Variants in CA10 observed in about 807,000 individuals in gnomAD.
CA10 encodes the protein carbonic anhydrase 10 (inactive), also known as carbonic anhydrase-related protein 10.
In CA10, 14 loss-of-function variants were observed where a neutral mutation model predicts 44.2. The ratio of observed to expected loss-of-function variants is 0.32; its 90% CI spans 0.21 to 0.50. The LOEUF is 0.50. Among genes scored for constraint, CA10 ranks in the 20% least tolerant of loss-of-function variants. CA10 has a pLI of 0.99. For synonymous variants in CA10, 159 were observed against 141.6 expected, an observed-to-expected ratio of 1.12 and a Z score of -0.87; for missense variants, 350 against 409.7, an observed-to-expected ratio of 0.85 and a Z score of 1.26.
chr17:51,682,508 G>A (rs1026163379), intron 4 of CA10, among the ~76,000 whole-genome samples: 7 of 152,174 alleles, frequency 4.6e-5, no homozygotes, highest in Admixed American at 2.0e-4. Context: ...AAATAAATGC[G>A]TTGGGCTAGA....
At chr17:51,998,430 C>G (rs1376866581) in intron 2 of CA10, among the ~76,000 whole-genome samples, 12 of 152,052 alleles carry the variant, frequency 7.9e-5, no homozygotes, top group Admixed American at 7.9e-4. Flanking sequence ...TTTAACTTTA[C>G]TTTCTTTTAA....
chr17:51,822,433 C>T (rs967963832), intron 3 of CA10, among the ~76,000 whole-genome samples: 1 of 150,786 alleles, frequency 6.6e-6, no homozygotes, highest in African/African-American at 2.4e-5. Context: ...AAAACAAAAA[C>T]AAAAACAAAA....
chr17:52,115,179 C>T (rs894590931), intron 1 of CA10, among the ~76,000 whole-genome samples: 7 of 152,204 alleles, frequency 4.6e-5, no homozygotes, highest in East Asian at 1.9e-4. Context: ...ATTCAATCTG[C>T]GAGGTGGGAG....
intron 1 of CA10, among the ~76,000 whole-genome samples, chr17:52,150,035 C>A (rs577889024): frequency 2.0e-5 from 3 of 152,318 alleles, no homozygotes; most frequent in East Asian, 3.9e-4. Flanking sequence ...TCCATCTCAA[C>A]CTCATCCATC....
chr17:51,768,580 C>T (rs1378982347), intron 3 of CA10, among the ~76,000 whole-genome samples: 1 of 152,138 alleles, frequency 6.6e-6, no homozygotes, highest in African/African-American at 2.4e-5. Context: ...ATGTCATCTG[C>T]TTACATGGGG....
intron 3 of CA10, among the ~76,000 whole-genome samples, chr17:51,820,405 A>ACCCCCCCC (rs748623140): frequency 7.7e-5 from 3 of 39,172 alleles, no homozygotes; most frequent in African/African-American, 1.7e-4. Context: ...GGATTCCCCT[A>ACCCCCCCC]CCCCCCCCCC....
chr17:52,078,774 GA>G (rs1384205164), intron 1 of CA10, among the ~76,000 whole-genome samples: 4 of 152,300 alleles, frequency 2.6e-5, no homozygotes, highest in African/African-American at 9.6e-5. Flanking sequence ...CTGCCCCATT[GA>G]GCTGCATGGC....
At chr17:51,944,374 T>A (rs184648589) in intron 2 of CA10, among the ~76,000 whole-genome samples, 1 of 152,256 alleles carries the variant, frequency 6.6e-6, no homozygotes, top group Non-Finnish European at 1.5e-5. Flanking sequence ...ACCCTGCCCC[T>A]CAATGGCCTA....
At chr17:51,825,914 A>G (rs889429914) in intron 3 of CA10, among the ~76,000 whole-genome samples, 7 of 152,236 alleles carry the variant, frequency 4.6e-5, no homozygotes, top group African/African-American at 1.7e-4. Flanking sequence ...TAGCATGCCC[A>G]TATGCCCATA....
At chr17:52,135,075 A>T (rs1989325689) in intron 1 of CA10, 2 of 445,084 alleles carry the variant, frequency 4.5e-6, no homozygotes, top group African/African-American at 4.0e-5. Flanking sequence ...ATGGAATCCT[A>T]AGCCCCCCAA....
intron 4 of CA10, among the ~76,000 whole-genome samples, chr17:51,727,273 T>C (rs1459478833): frequency 6.6e-6 from 1 of 152,184 alleles, no homozygotes; most frequent in Non-Finnish European, 1.5e-5. Context: ...CACTTTTAAT[T>C]CTTCAGGAGG....
chr17:51,763,592 T>A (rs1235664271), intron 3 of CA10, among the ~76,000 whole-genome samples: 1 of 152,208 alleles, frequency 6.6e-6, no homozygotes, highest in Non-Finnish European at 1.5e-5. Context: ...CATTCACCAT[T>A]CTAGTCCACT....
In CA10 at chr17:52,111,692, AG is replaced by A. The variant is rs1395041319; in HGVS notation, c.62-39300del. Among the ~76,000 whole-genome samples, 13 of 152,280 alleles carry A rather than the reference AG, an allele frequency of 8.5e-5. No homozygotes were observed. In the East Asian group the frequency reaches 2.5e-3, roughly 29 times the overall value. The stretch of plus-strand genomic sequence containing the variant: ...TTGGTCATCAGTAGGAATGGAGGAA[AG>A]CTTTTTGTAAATCACAAGGTGATTT... On this transcript the variant is annotated intron_variant, in intron 1 of 8. Coordinates refer to ENST00000451037, the MANE Select transcript of CA10 (RefSeq NM_020178.5).
At position 51,735,041 on chromosome 17, in the gene CA10, C is replaced by T. The variant is rs913731414; in HGVS notation, c.465+12592G>A. Among the ~76,000 whole-genome samples, 4 of 152,088 alleles carry T rather than the reference C, an allele frequency of 2.6e-5. No homozygotes were observed. The East Asian group carries it at 7.7e-4, about 29-fold the overall frequency. ...TGATAAGAAAACAGCATTAGAAGGGCCCTTAACCCATCTTCTTAGAATAAG... is the reference window on the plus strand; with the variant it reads ...TGATAAGAAAACAGCATTAGAAGGGTCCTTAACCCATCTTCTTAGAATAAG... On this transcript the variant is annotated intron_variant, in intron 4 of 8. Transcript: ENST00000451037.
chr17:52,067,416 G>C (rs1201618693), intron 2 of CA10, among the ~76,000 whole-genome samples: 2 of 152,234 alleles, frequency 1.3e-5, no homozygotes, highest in East Asian at 3.9e-4. Flanking sequence ...GATGACGTAG[G>C]GAAACACCTG....
chr17:52,050,694 C>G (rs150453052), intron 2 of CA10, among the ~76,000 whole-genome samples: 3 of 152,166 alleles, frequency 2.0e-5, no homozygotes, highest in African/African-American at 7.2e-5. Context: ...TTGTGCTCCA[C>G]CTTGTTGCAA....
intron 4 of CA10, among the ~76,000 whole-genome samples, chr17:51,672,847 T>C (rs1018203787): frequency 6.6e-6 from 1 of 152,300 alleles, no homozygotes. Context: ...CCAGTCTCAG[T>C]CTTCTCCCGG....
At chr17:51,997,124 G>A (rs1400222567) in intron 2 of CA10, among the ~76,000 whole-genome samples, 1 of 152,044 alleles carries the variant, frequency 6.6e-6, no homozygotes, top group African/African-American at 2.4e-5. Context: ...GTCCTCAAGA[G>A]ATCTTTCTAG....
intron 2 of CA10, among the ~76,000 whole-genome samples, chr17:51,969,438 A>C (rs1472616377): frequency 1.3e-5 from 2 of 152,028 alleles, no homozygotes; most frequent in African/African-American, 4.8e-5. Context: ...TGCCCTTTCT[A>C]TTACTACTAC....
Sources: allele counts gnomAD v4.1 joint callset (sites outside exome capture counted in the v4.1 genomes callset), GRCh38; gene constraint gnomAD v4.1.1; transcripts MANE v1.5; gene names NCBI Gene and HGNC (gene_info 2026-07-23, HGNC 2026-07-21).